The following CACHD1 variants were observed in gnomAD, a reference collection of about 807,000 sequenced individuals.
The protein encoded by CACHD1 is cache domain containing 1, also known as VWFA and cache domain-containing protein 1.
In CACHD1, 71 loss-of-function variants were observed where a neutral mutation model predicts 138.7. The observed-to-expected ratio is 0.51, with a 90% confidence interval of 0.42 to 0.62. The LOEUF (loss-of-function observed/expected upper bound fraction) is 0.62, where lower values mean the gene tolerates loss of function less well. Ranked by LOEUF, CACHD1 falls within the 20% of genes least tolerant of loss-of-function variation. CACHD1 has a pLI of 0.00. For missense variants in CACHD1, 1,389 were observed against 1,625.3 expected (o/e 0.85, Z 2.50); for synonymous variants, 578 against 591.5 (o/e 0.98, Z 0.33).
chr1:64,609,660 T>C (rs912262740), intron 4 of CACHD1, among the ~76,000 whole-genome samples: 2 of 152,176 alleles, frequency 1.3e-5, no homozygotes, highest in Admixed American at 6.5e-5. Context: ...TATATACATA[T>C]ATACACAACA....
chr1:64,483,187 C>T (rs571527564), intron 1 of CACHD1, among the ~76,000 whole-genome samples: 125 of 152,276 alleles, frequency 8.2e-4, no homozygotes, highest in African/African-American at 2.9e-3. Flanking sequence ...TCTAAGTAGA[C>T]TCTAAGTATT....
chr1:64,650,219 T>G (rs1245787477), intron 9 of CACHD1, among the ~76,000 whole-genome samples: 4 of 152,200 alleles, frequency 2.6e-5, no homozygotes, highest in Non-Finnish European at 5.9e-5. Flanking sequence ...GACTTTGTTC[T>G]CAACCTGTCC....
intron 1 of CACHD1, among the ~76,000 whole-genome samples, chr1:64,548,590 C>G (rs1646735387): frequency 6.6e-6 from 1 of 152,124 alleles, no homozygotes; most frequent in African/African-American, 2.4e-5. Context: ...ATGAGTATTT[C>G]AGGATTTAGA....
chr1:64,644,281 AT>A (rs1648831884), intron 8 of CACHD1, among the ~76,000 whole-genome samples: 1 of 152,230 alleles, frequency 6.6e-6, no homozygotes, highest in African/African-American at 2.4e-5. Flanking sequence ...GGAAAATAAA[AT>A]TTACTGACCA....
chr1:64,627,114 T>TA (rs1648124018), intron 4 of CACHD1, among the ~76,000 whole-genome samples: 1 of 152,114 alleles, frequency 6.6e-6, no homozygotes, highest in Non-Finnish European at 1.5e-5. Flanking sequence ...CTGTCTCAGA[T>TA]AAAATCTCAG....
intron 1 of CACHD1, among the ~76,000 whole-genome samples, chr1:64,549,038 C>T (rs567018020): frequency 3.9e-5 from 6 of 152,240 alleles, no homozygotes; most frequent in African/African-American, 1.2e-4. Flanking sequence ...GTTATTTAAT[C>T]TCCCAGACCC....
At chr1:64,472,879 T>C (rs1241289495) in intron 1 of CACHD1, among the ~76,000 whole-genome samples, 2 of 143,750 alleles carry the variant, frequency 1.4e-5, no homozygotes, top group African/African-American at 5.0e-5. Context: ...CGCCTTTTCC[T>C]TGTAAGCTAA....
chr1:64,635,590 G>A (rs1044343399), intron 7 of CACHD1, among the ~76,000 whole-genome samples: 3 of 151,124 alleles, frequency 2.0e-5, no homozygotes, highest in African/African-American at 7.3e-5. Flanking sequence ...CACCATGTTG[G>A]TCAGGCTGAT....
chr1:64,489,491 T>C (rs2100293708), intron 1 of CACHD1, among the ~76,000 whole-genome samples: 1 of 152,270 alleles, frequency 6.6e-6, no homozygotes. Flanking sequence ...TGGAACAACA[T>C]TCACATAGAG....
intron 1 of CACHD1, among the ~76,000 whole-genome samples, chr1:64,523,354 A>G (rs976533138): frequency 1.3e-5 from 2 of 151,452 alleles, no homozygotes; most frequent in African/African-American, 4.8e-5. Context: ...TAGGTTTTCC[A>G]TAGTTAAAAA....
chr1:64,541,537 G>T (rs1047585943), intron 1 of CACHD1, among the ~76,000 whole-genome samples: 2 of 152,198 alleles, frequency 1.3e-5, no homozygotes, highest in Non-Finnish European at 2.9e-5. Flanking sequence ...GCTGGGAGCA[G>T]TGGTTTACAC....
intron 3 of CACHD1, among the ~76,000 whole-genome samples, chr1:64,587,425 G>A (rs750521513): frequency 6.6e-6 from 1 of 152,112 alleles, no homozygotes; most frequent in Non-Finnish European, 1.5e-5. Flanking sequence ...ATAGTATGAC[G>A]ACAACAGAGA....
chr1:64,615,401 C>T (rs1331421990), intron 4 of CACHD1, among the ~76,000 whole-genome samples: 1 of 152,164 alleles, frequency 6.6e-6, no homozygotes, highest in African/African-American at 2.4e-5. Context: ...CTGGGGTGGC[C>T]TTCCAGGGTT....
rs1031045299 is a variant in CACHD1, at chr1:64,522,546, G to A, written c.199-28048G>A. Among the ~76,000 whole-genome samples the A allele has an allele frequency of 7.9e-5, 10 of 126,492 alleles. No individual in the cohort carries two copies. The East Asian group carries it at 1.0e-3, about 13-fold the overall frequency. 83.0% of individuals were successfully genotyped at this position (126,492 alleles called of 152,430 possible). A position where few individuals can be genotyped will look rare whatever the true frequency, so the allele number is the denominator to read the frequency against. On this transcript the variant is annotated intron_variant, in intron 1 of 26. Transcript: ENST00000651257. ...TTCAACTCCTGACCTCAAGTGATCCGCCTGCCCGCTTCAGCCTCCCAAAGT... is the reference window on the plus strand; with the variant it reads ...TTCAACTCCTGACCTCAAGTGATCCACCTGCCCGCTTCAGCCTCCCAAAGT...
intron 1 of CACHD1, among the ~76,000 whole-genome samples, chr1:64,483,534 C>T (rs1646223440): frequency 6.6e-6 from 1 of 151,614 alleles, no homozygotes; most frequent in Non-Finnish European, 1.5e-5. Context: ...AACATGGGGC[C>T]TTTAGAAAGA....
At chr1:64,483,751 C>G (rs1354562394) in intron 1 of CACHD1, among the ~76,000 whole-genome samples, 1 of 151,068 alleles carries the variant, frequency 6.6e-6, no homozygotes, top group Non-Finnish European at 1.5e-5. Flanking sequence ...CATACCTCTG[C>G]TTAAAACTCC....
intron 15 of CACHD1, among the ~76,000 whole-genome samples, chr1:64,665,738 C>G (rs12046697): frequency 0.22 from 34,082 of 151,966 alleles, 6,279 homozygotes; most frequent in East Asian, 0.71. Flanking sequence ...ATGACTTGGC[C>G]GGGTGCGGTG....
chr1:64,626,471 T>G (rs1192674471), intron 4 of CACHD1, among the ~76,000 whole-genome samples: 7 of 152,202 alleles, frequency 4.6e-5, no homozygotes, highest in Non-Finnish European at 1.0e-4. Context: ...TTGAATATAT[T>G]GTCACTCCGC....
At chr1:64,493,648 G>A (rs1023617493) in intron 1 of CACHD1, among the ~76,000 whole-genome samples, 13 of 152,198 alleles carry the variant, frequency 8.5e-5, no homozygotes, top group Non-Finnish European at 1.6e-4. Flanking sequence ...CAACCCAGGG[G>A]TTGTGGCAGC....
Sources: allele counts gnomAD v4.1 joint callset (sites outside exome capture counted in the v4.1 genomes callset), GRCh38; gene constraint gnomAD v4.1.1; transcripts MANE v1.5; gene names NCBI Gene and HGNC (gene_info 2026-07-23, HGNC 2026-07-21).